The following ZDHHC14 variants were observed in gnomAD, a reference collection of about 807,000 sequenced individuals.
ZDHHC14 encodes the protein zDHHC palmitoyltransferase 14.
Under a neutral mutation model 47.7 loss-of-function variants are expected in ZDHHC14, and 16 were observed. The ratio of observed to expected loss-of-function variants is 0.34; its 90% CI spans 0.23 to 0.51. The LOEUF (loss-of-function observed/expected upper bound fraction) is 0.51, where lower values mean the gene tolerates loss of function less well. ZDHHC14 is among the 20% of genes least tolerant of loss of function. ZDHHC14 has a pLI of 0.97. For synonymous variants in ZDHHC14, 293 were observed against 278.9 expected (o/e 1.05, Z -0.50); for missense variants, 515 against 662.5 (o/e 0.78, Z 2.44).
chr6:157,493,465 T>C (rs1779979108), intron 1 of ZDHHC14, among the ~76,000 whole-genome samples: 1 of 152,202 alleles, frequency 6.6e-6, no homozygotes, highest in Admixed American at 6.5e-5. Flanking sequence ...TGATGGCCTC[T>C]CCTGGCAGCA....
At chr6:157,519,876 T>A (rs997719741) in intron 1 of ZDHHC14, among the ~76,000 whole-genome samples, 5 of 152,182 alleles carry the variant, frequency 3.3e-5, no homozygotes, top group Non-Finnish European at 7.4e-5. Flanking sequence ...CAAAGGGTCC[T>A]GATTGGAAAG....
chr6:157,540,906 G>GTATATATATATATATA lies in ZDHHC14; in HGVS notation c.246-1678_246-1677insATATATATATATATAT, dbSNP rs1470065372. Among the ~76,000 whole-genome samples the GTATATATATATATATA allele has an allele frequency of 1.2e-3, 150 of 126,988 alleles. 1 individual carries two copies. Among genetic ancestry groups the GTATATATATATATATA allele is most frequent in the Non-Finnish European group, 2.0e-3 (133 of 66,124 alleles). The allele number at this position is 126,988 out of a possible 152,430, so 83.3% of individuals were successfully genotyped here. Reference sequence around the variant, plus strand: ...TGTATGTATGTGTGTGTGTGTGTGTGTGTGTATATATATATATATATATAT... The same window carrying GTATATATATATATATA: ...TGTATGTATGTGTGTGTGTGTGTGTGTATATATATATATATATGTGTATATATATATATATATATAT... On this transcript the variant is annotated intron_variant, in intron 1 of 8. Transcript: ENST00000359775.
rs549778157 is a variant in ZDHHC14, at chr6:157,665,755, T to C, written c.1069-6969T>C. Among the ~76,000 whole-genome samples, 10 of 152,314 alleles carry C rather than the reference T, an allele frequency of 6.6e-5. No individual in the cohort carries two copies. In the East Asian group the frequency reaches 1.9e-3, roughly 29 times the overall value. ...CAAAAATGGGAAAATTCAGTGTTAG[T>C]GTATCCTCTCTCACAAGTGGGGGAT... On this transcript the variant is annotated intron_variant, in intron 8 of 8. Transcript: ENST00000359775.
At position 157,610,806 on chromosome 6, in the gene ZDHHC14, G is replaced by A. The variant is rs111458215; in HGVS notation, c.566-17543G>A. ...ACAGGGGCCAGCATTCTCTCACCAG[G>A]CAAAGCCAGCCGCTTCTCTGCCTGG... On this transcript the variant is annotated intron_variant, in intron 3 of 8. Transcript: ENST00000359775. 3.9e-3 allele frequency among the ~76,000 whole-genome samples: 594 copies of A among 152,288 alleles called. 2 individuals are homozygous for A. The highest frequency in any genetic ancestry group is 0.013 in the African/African-American group (552 of 41,548).
At chr6:157,408,994 G>C (rs948765125) in intron 1 of ZDHHC14, among the ~76,000 whole-genome samples, 2 of 152,132 alleles carry the variant, frequency 1.3e-5, no homozygotes, top group African/African-American at 4.8e-5. Flanking sequence ...CCAGACACCA[G>C]GATGGAAAAG....
At chr6:157,425,317 A>G (rs945510558) in intron 1 of ZDHHC14, among the ~76,000 whole-genome samples, 10 of 152,204 alleles carry the variant, frequency 6.6e-5, no homozygotes, top group African/African-American at 1.7e-4. Flanking sequence ...ACTTGCTTCT[A>G]CCACCCTACT....
At chr6:157,465,058 C>T (rs1036290808) in intron 1 of ZDHHC14, among the ~76,000 whole-genome samples, 1 of 150,928 alleles carries the variant, frequency 6.6e-6, no homozygotes, top group African/African-American at 2.4e-5. Flanking sequence ...AGCCATCTAA[C>T]CTACCCTGTG....
chr6:157,641,528 G>C (rs542152441), intron 5 of ZDHHC14, among the ~76,000 whole-genome samples: 52 of 152,228 alleles, frequency 3.4e-4, no homozygotes, highest in South Asian at 1.0e-3. Flanking sequence ...ACATGTCCAT[G>C]TATCAGTTGA....
At chr6:157,571,407 C>G (rs1380019093) in intron 2 of ZDHHC14, among the ~76,000 whole-genome samples, 1 of 152,178 alleles carries the variant, frequency 6.6e-6, no homozygotes, top group Non-Finnish European at 1.5e-5. Flanking sequence ...GTTTTGTATA[C>G]TGAGGTTCTT....
At chr6:157,505,006 C>T (rs923879085) in intron 1 of ZDHHC14, among the ~76,000 whole-genome samples, 3 of 152,014 alleles carry the variant, frequency 2.0e-5, no homozygotes, top group Non-Finnish European at 4.4e-5. Context: ...GATGGGGTTT[C>T]ACCCTGTTGG....
intron 3 of ZDHHC14, among the ~76,000 whole-genome samples, chr6:157,600,425 T>G (rs1177498609): frequency 2.0e-5 from 3 of 152,180 alleles, no homozygotes; most frequent in Non-Finnish European, 4.4e-5. Flanking sequence ...ATGCGACATT[T>G]GTTTTGTATT....
At chr6:157,396,197 G>A (rs762726248) in intron 1 of ZDHHC14, among the ~76,000 whole-genome samples, 15 of 152,028 alleles carry the variant, frequency 9.9e-5, no homozygotes, top group Non-Finnish European at 1.3e-4. Flanking sequence ...CCTGCCGACC[G>A]TGCTGTTGAC....
At chr6:157,522,418 G>A (rs966327917) in intron 1 of ZDHHC14, among the ~76,000 whole-genome samples, 1 of 152,206 alleles carries the variant, frequency 6.6e-6, no homozygotes, top group Non-Finnish European at 1.5e-5. Flanking sequence ...GGATTGGACA[G>A]TGTGTCACTG....
At chr6:157,567,244 C>T (rs573085754) in intron 2 of ZDHHC14, among the ~76,000 whole-genome samples, 34 of 152,194 alleles carry the variant, frequency 2.2e-4, no homozygotes, top group Middle Eastern at 6.8e-3. Context: ...GGGGCAGATG[C>T]AAAAACATAG....
At chr6:157,527,181 C>A (rs573125620) in intron 1 of ZDHHC14, among the ~76,000 whole-genome samples, 8 of 152,296 alleles carry the variant, frequency 5.3e-5, no homozygotes, top group Non-Finnish European at 7.3e-5. Flanking sequence ...AGCCACCCTG[C>A]AACTGGGTGC....
In ZDHHC14 at chr6:157,463,234, T is replaced by C. The variant is rs1779136043; in HGVS notation, c.246-79351T>C. 6.6e-6 allele frequency among the ~76,000 whole-genome samples: 1 copy of C among 152,220 alleles called. No homozygotes were observed. The highest frequency in any genetic ancestry group is 2.1e-4 in the South Asian group (1 of 4,830). On this transcript the variant is annotated intron_variant, in intron 1 of 8. Coordinates refer to ENST00000359775, the MANE Select transcript of ZDHHC14 (RefSeq NM_024630.3). The surrounding 1 kb of genome is among the most constrained non-coding windows in gnomAD (Gnocchi z 4.4). ...AAATGTCACAGCCTGTTGTTTCTGTTGTCTCTTCGGTGTTTGGAACATGGC... is the reference window on the plus strand; with the variant it reads ...AAATGTCACAGCCTGTTGTTTCTGTCGTCTCTTCGGTGTTTGGAACATGGC...
intron 1 of ZDHHC14, among the ~76,000 whole-genome samples, chr6:157,442,376 C>CTG (rs200728737): frequency 0.014 from 2,164 of 152,288 alleles, 54 homozygotes; most frequent in African/African-American, 0.05. Context: ...GAGCGAGACT[C>CTG]TGTCAAAAAA....
intron 1 of ZDHHC14, among the ~76,000 whole-genome samples, chr6:157,499,113 C>T (rs888764338): frequency 3.3e-5 from 5 of 152,066 alleles, no homozygotes; most frequent in Non-Finnish European, 7.4e-5. Flanking sequence ...CCCCCTGTAG[C>T]TCATAAAACT....
chr6:157,657,673 G>A (rs1778164265), intron 8 of ZDHHC14, among the ~76,000 whole-genome samples: 1 of 152,172 alleles, frequency 6.6e-6, no homozygotes, highest in African/African-American at 2.4e-5. Flanking sequence ...AACATCCTGG[G>A]AGTCATACGC....
Sources: allele counts gnomAD v4.1 joint callset (sites outside exome capture counted in the v4.1 genomes callset), GRCh38; gene constraint gnomAD v4.1.1; non-coding constraint Gnocchi (gnomAD v3.1); transcripts MANE v1.5; gene names NCBI Gene and HGNC (gene_info 2026-07-23, HGNC 2026-07-21).